CCDC62: variants seen among roughly 807,000 people sequenced by gnomAD.
CCDC62 encodes the protein coiled-coil domain containing 62.
CCDC62 carries 72 observed loss-of-function variants against 80.8 expected under a neutral mutation model. The ratio of observed to expected loss-of-function variants is 0.89; its 90% CI spans 0.74 to 1.08. CCDC62 has a LOEUF of 1.08. Among genes scored for constraint, CCDC62 ranks in the 50% least tolerant of loss-of-function variants. The pLI is 0.00. For synonymous variants in CCDC62, 286 were observed against 296.5 expected, an observed-to-expected ratio of 0.96 and a Z score of 0.36; for missense variants, 704 against 809.4, an observed-to-expected ratio of 0.87 and a Z score of 1.58.
intron 1 of CCDC62, chr12:122,777,277 C>A: frequency 2.0e-6 from 1 of 493,230 alleles, no homozygotes; most frequent in Non-Finnish European, 3.6e-6. Context: ...GTACGTATGG[C>A]ATGACAGAAA....
chr12:122,815,931 T>C (rs1292810735), intron 11 of CCDC62, among the ~76,000 whole-genome samples: 1 of 152,230 alleles, frequency 6.6e-6, no homozygotes, highest in African/African-American at 2.4e-5. Context: ...CTTTGCCTTA[T>C]TTCACGAAAT....
intron 4 of CCDC62, among the ~76,000 whole-genome samples, chr12:122,787,673 C>A (rs1444993429): frequency 6.6e-6 from 1 of 151,756 alleles, no homozygotes; most frequent in East Asian, 1.9e-4. Context: ...ATTGCTTGAA[C>A]CCAGGAGGCA....
chr12:122,797,401 TC>T lies in CCDC62; in HGVS notation c.861+10del. 2 of 1,483,820 alleles carry T rather than the reference TC, an allele frequency of 1.3e-6. No individual in the cohort carries two copies. The highest frequency in any genetic ancestry group is 1.1e-5 in the South Asian group (1 of 87,576). The allele number at this position is 1,483,820 out of a possible 1,614,324, so 91.9% of individuals were successfully genotyped here. ...AACTGCACAATCTGAGACAGGTATG[TC>T]CCCAATCATCCTTCTCTGTCACATA... is the stretch of plus-strand genomic sequence containing the variant. On this transcript the variant is annotated splice_region_variant and intron_variant, in intron 7 of 12. Transcript: ENST00000253079.
chr12:122,799,283 A>G (rs2031149660), intron 8 of CCDC62, among the ~76,000 whole-genome samples: 1 of 152,140 alleles, frequency 6.6e-6, no homozygotes, highest in South Asian at 2.1e-4. Flanking sequence ...CACTACAGAG[A>G]TGAATCATTC....
chr12:122,810,099 A>G (rs545216514), intron 10 of CCDC62, among the ~76,000 whole-genome samples: 15 of 152,146 alleles, frequency 9.9e-5, no homozygotes, highest in African/African-American at 3.6e-4. Context: ...CATTCAGGAC[A>G]TAGGCATGGG....
intron 5 of CCDC62, among the ~76,000 whole-genome samples, chr12:122,790,208 G>T (rs2030515672): frequency 6.6e-6 from 1 of 152,018 alleles, no homozygotes; most frequent in Non-Finnish European, 1.5e-5. Context: ...GTGCCACCAT[G>T]CCCGGCTAAT....
chr12:122,800,072 C>T (rs2031199916), intron 8 of CCDC62, among the ~76,000 whole-genome samples: 1 of 151,956 alleles, frequency 6.6e-6, no homozygotes, highest in Non-Finnish European at 1.5e-5. Context: ...CAGCTCACTG[C>T]AACCTCCACC....
intron 11 of CCDC62, among the ~76,000 whole-genome samples, chr12:122,816,025 G>A (rs890910821): frequency 2.6e-5 from 4 of 152,068 alleles, no homozygotes; most frequent in African/African-American, 4.8e-5. Context: ...TCTATGTGCC[G>A]CGAATAGATC....
intron 10 of CCDC62, among the ~76,000 whole-genome samples, chr12:122,811,013 C>A (rs1368547023): frequency 2.3e-5 from 3 of 131,948 alleles, no homozygotes; most frequent in Admixed American, 8.1e-5. Context: ...CACACTGGGG[C>A]CTGTTGTGGG....
At chr12:122,812,785 A>C (rs868548262) in intron 10 of CCDC62, among the ~76,000 whole-genome samples, 1 of 110,096 alleles carries the variant, frequency 9.1e-6, no homozygotes, top group Admixed American at 8.4e-5. Flanking sequence ...GAGAGAAAGA[A>C]AGAAAGAAAG....
intron 9 of CCDC62, among the ~76,000 whole-genome samples, chr12:122,803,226 G>A (rs1178183068): frequency 6.6e-6 from 1 of 152,112 alleles, no homozygotes; most frequent in East Asian, 1.9e-4. Flanking sequence ...GCCTGCCTTT[G>A]TGTTCATTCA....
In CCDC62 at chr12:122,793,895, G is replaced by A. The variant is rs190257021; in HGVS notation, c.772+1774G>A. Among the ~76,000 whole-genome samples the A allele has an allele frequency of 2.8e-3, 433 of 152,236 alleles. 1 individual carries two copies. Among genetic ancestry groups the A allele is most frequent in the Non-Finnish European group, 3.1e-3 (213 of 68,022 alleles). On this transcript the variant is annotated intron_variant, in intron 6 of 12. Coordinates refer to ENST00000253079, the MANE Select transcript of CCDC62 (RefSeq NM_201435.5). The stretch of plus-strand genomic sequence containing the variant: ...CTGCATCTGCAAGTAGTGATAACCC[G>A]TTAACGCTGCTAAAGATATCACATA...
intron 12 of CCDC62, among the ~76,000 whole-genome samples, 157 bp downstream of exon 12, chr12:122,823,616 G>C (rs148555979): frequency 4.5e-4 from 68 of 150,946 alleles, no homozygotes; most frequent in African/African-American, 1.5e-3. Flanking sequence ...AATTTAATCA[G>C]AGTAAAATGT....
chr12:122,819,774 G>A (rs760976364), intron 11 of CCDC62, among the ~76,000 whole-genome samples: 2 of 152,132 alleles, frequency 1.3e-5, no homozygotes, highest in Non-Finnish European at 2.9e-5. Context: ...TAAGGAGAGG[G>A]CCAGGAGCAG....
intron 1 of CCDC62, chr12:122,776,530 G>T (rs977789867): frequency 2.0e-5 from 3 of 152,148 alleles, no homozygotes; most frequent in African/African-American, 7.2e-5. Flanking sequence ...TAGAACCCAG[G>T]CACAGAGTAT....
intron 11 of CCDC62, among the ~76,000 whole-genome samples, chr12:122,815,693 C>T (rs567779928): frequency 5.3e-5 from 8 of 150,962 alleles, no homozygotes; most frequent in South Asian, 2.1e-4. Context: ...GTGATCCGCC[C>T]GCCTCAGCCT....
At chr12:122,824,677 G>T (rs1464439767) in intron 12 of CCDC62, among the ~76,000 whole-genome samples, 2 of 152,168 alleles carry the variant, frequency 1.3e-5, no homozygotes, top group African/African-American at 4.8e-5. Flanking sequence ...TCTACGTGGA[G>T]GAAAAGTATA....
intron 2 of CCDC62, among the ~76,000 whole-genome samples, chr12:122,779,683 G>A (rs1017994329): frequency 2.6e-5 from 4 of 152,146 alleles, no homozygotes; most frequent in Admixed American, 2.6e-4. Context: ...CGAGTCAGGC[G>A]AATCACCTGA....
rs567348199 is a variant in CCDC62, at chr12:122,809,072, A to G, written c.1851+2777A>G. On this transcript the variant is annotated intron_variant, in intron 10 of 12. Transcript: ENST00000253079. ...ATTTATAGCTTCGATTTCAACTGAT[A>G]GAGAAGTTCTAGCCAGTTATTCAAT... 6.6e-5 allele frequency among the ~76,000 whole-genome samples: 10 copies of G among 152,368 alleles called. No homozygotes were observed. In the South Asian group the frequency reaches 8.3e-4, roughly 13 times the overall value.
Sources: allele counts gnomAD v4.1 joint callset (sites outside exome capture counted in the v4.1 genomes callset), GRCh38; gene constraint gnomAD v4.1.1; transcripts MANE v1.5; gene names NCBI Gene and HGNC (gene_info 2026-07-23, HGNC 2026-07-21).